Variants in XPNPEP1 observed in about 807,000 individuals in gnomAD.
XPNPEP1 encodes X-prolyl aminopeptidase 1.
Under a neutral mutation model 92.4 loss-of-function variants are expected in XPNPEP1, and 39 were observed. The ratio of observed to expected loss-of-function variants is 0.42; its 90% CI spans 0.33 to 0.55. The LOEUF (loss-of-function observed/expected upper bound fraction) is 0.55, where lower values mean the gene tolerates loss of function less well. Among genes scored for constraint, XPNPEP1 ranks in the 20% least tolerant of loss-of-function variants. The pLI, the probability that XPNPEP1 is intolerant of heterozygous loss-of-function variation, is 0.08. For synonymous variants in XPNPEP1, 307 were observed against 299.4 expected, an observed-to-expected ratio of 1.03 and a Z score of -0.26; for missense variants, 654 against 856.1, an observed-to-expected ratio of 0.76 and a Z score of 2.95.
chr10:109,891,160 C>T (rs1162522467), intron 5 of XPNPEP1: 2 of 152,250 alleles, frequency 1.3e-5, no homozygotes, highest in South Asian at 2.1e-4. Context: ...CATAGTAATG[C>T]TTTAATTCTC....
intron 1 of XPNPEP1, among the ~76,000 whole-genome samples, chr10:109,920,167 T>A (rs972308000): frequency 1.2e-4 from 19 of 152,144 alleles, no homozygotes; most frequent in Non-Finnish European, 2.2e-4. Context: ...ATGTCCAGAA[T>A]AGGCAAATCG....
Position 109,891,843 on chromosome 10 carries a change from A to T in XPNPEP1, c.311-17T>A. On this transcript the variant is annotated splice_polypyrimidine_tract_variant and intron_variant, in intron 4 of 20. Coordinates refer to ENST00000502935, the MANE Select transcript of XPNPEP1 (RefSeq NM_020383.4). ...TGGCTGTGCCTGAAGCAGGGGAGAAAAAAAAAAGAAGAAGAAAGGTTTCTA... is the reference window on the plus strand; with the variant it reads ...TGGCTGTGCCTGAAGCAGGGGAGAATAAAAAAAGAAGAAGAAAGGTTTCTA... The T allele has an allele frequency of 6.2e-7, 1 of 1,610,610 alleles. No individual in the cohort carries two copies. Among genetic ancestry groups the T allele is most frequent in the South Asian group, 1.1e-5 (1 of 90,676 alleles).
rs1847194009 is a variant in XPNPEP1, at chr10:109,867,304, A to G, written c.1872+1310T>C. 6.6e-6 allele frequency among the ~76,000 whole-genome samples: 1 copy of G among 152,234 alleles called. No homozygotes were observed. Among genetic ancestry groups the G allele is most frequent in the South Asian group, 2.1e-4 (1 of 4,830 alleles). ...TGGACAAGAGCCCCTGGACACTGGA[A>G]GGACTCTTCCTGCTGAAGAGACACA... On this transcript the variant is annotated intron_variant, in intron 20 of 20. Coordinates refer to ENST00000502935, the MANE Select transcript of XPNPEP1 (RefSeq NM_020383.4). This position sits in a 1 kb window ranked among gnomAD's most constrained non-coding sequence, Gnocchi z 4.5.
Position 109,886,276 on chromosome 10 carries a change from A to G in XPNPEP1, c.718T>C (p.Phe240Leu). ...LKMAERNVMW[F>L]VVTALDEIAW... Reference sequence around the variant, plus strand: ...ATCTCATCCAAGGCAGTGACCACAAACCACATGACGTTCCTCTCAGCCATT... The same window carrying G: ...ATCTCATCCAAGGCAGTGACCACAAGCCACATGACGTTCCTCTCAGCCATT... The change falls in exon 8 of 21, where the codon TTT becomes CTT. Residue 240 changes from phenylalanine (F) to leucine (L), a missense_variant. Transcript: ENST00000502935. The G allele has an allele frequency of 6.2e-7, 1 of 1,614,140 alleles. No homozygotes were observed. The highest frequency in any genetic ancestry group is 1.1e-5 in the South Asian group (1 of 91,066).
chr10:109,895,386 C>T (rs1002312938), intron 3 of XPNPEP1, among the ~76,000 whole-genome samples: 1 of 152,216 alleles, frequency 6.6e-6, no homozygotes, highest in African/African-American at 2.4e-5. Context: ...CAGGGTTTAC[C>T]TAGACTTCTC....
rs757582811 is a variant in XPNPEP1 at position 109,907,745 on chromosome 10, C to T, written c.192G>A (p.Glu64=). The T allele has an allele frequency of 6.2e-7, 1 of 1,614,130 alleles. No individual in the cohort carries two copies. Among genetic ancestry groups the T allele is most frequent in the African/African-American group, 1.3e-5 (1 of 74,940 alleles). The change falls in exon 3 of 21, where the codon GAG becomes GAA. Residue 64 remains glutamate (E), a synonymous_variant. Coordinates refer to ENST00000502935, the MANE Select transcript of XPNPEP1 (RefSeq NM_020383.4). ...AGGCCTGGATCGGTTCGGTCACATACTCAGAGTTCCTCATGGCTTGTCTCA... is the reference window on the plus strand; with the variant it reads ...AGGCCTGGATCGGTTCGGTCACATATTCAGAGTTCCTCATGGCTTGTCTCA... ...RQLRQAMRNS[E]YVTEPIQAYI...
chr10:109,888,828 G>A (rs991003202), intron 5 of XPNPEP1, among the ~76,000 whole-genome samples: 1 of 152,102 alleles, frequency 6.6e-6, no homozygotes, highest in Non-Finnish European at 1.5e-5. Context: ...TGAGACAGAA[G>A]GGAAAAAAGT....
rs1032451250 is a variant in XPNPEP1 at position 109,874,898 on chromosome 10, G to A, written c.1391+630C>T. Among the ~76,000 whole-genome samples, 5 of 152,228 alleles carry A rather than the reference G, an allele frequency of 3.3e-5. No homozygotes were observed. The South Asian group carries it at 8.3e-4, about 25-fold the overall frequency. ...CAGGAGGCAGAGCTTGCAGTGAGCC[G>A]AGATCACGCCACTGCACTCCTGCCT... On this transcript the variant is annotated intron_variant, in intron 15 of 20. Transcript: ENST00000502935.
intron 2 of XPNPEP1, among the ~76,000 whole-genome samples, chr10:109,912,754 C>T (rs559650734): frequency 3.3e-5 from 5 of 152,320 alleles, no homozygotes; most frequent in Middle Eastern, 3.4e-3. Flanking sequence ...ACCATAAATG[C>T]AATGTGATAA....
intron 1 of XPNPEP1, among the ~76,000 whole-genome samples, chr10:109,916,092 G>A (rs1324636385): frequency 6.6e-6 from 1 of 152,152 alleles, no homozygotes; most frequent in Non-Finnish European, 1.5e-5. Context: ...AATACGTCAA[G>A]TAATAAGAAC....
intron 5 of XPNPEP1, 53 bp downstream of exon 5, chr10:109,891,669 A>T (rs1848709609): frequency 7.0e-7 from 1 of 1,426,322 alleles, no homozygotes; most frequent in Admixed American, 2.4e-5. Flanking sequence ...GACCTCTAGG[A>T]TCCCTGCCCA....
At chr10:109,918,833 GAGGA>G (rs1210266532) in intron 1 of XPNPEP1, among the ~76,000 whole-genome samples, 35 of 112,886 alleles carry the variant, frequency 3.1e-4, no homozygotes, top group Non-Finnish European at 4.1e-4. Flanking sequence ...GAAAGGAAAG[GAGGA>G]AGGAAGGAAG....
chr10:109,873,552 C>A, intron 15 of XPNPEP1, 125 bp from the exon 16 acceptor site: 1 of 1,118,502 alleles, frequency 8.9e-7, no homozygotes, highest in Non-Finnish European at 1.3e-6. Flanking sequence ...AATAGCACAG[C>A]CATCTTTGCA....
At chr10:109,875,268 C>T (rs532962511) in intron 15 of XPNPEP1, among the ~76,000 whole-genome samples, 1 of 152,340 alleles carries the variant, frequency 6.6e-6, no homozygotes, top group East Asian at 1.9e-4. Flanking sequence ...TGCTTTACTT[C>T]ACAGTTGTTT....
chr10:109,866,298 A>G (rs766950834), intron 20 of XPNPEP1, among the ~76,000 whole-genome samples: 6 of 152,214 alleles, frequency 3.9e-5, no homozygotes, highest in Non-Finnish European at 8.8e-5. Context: ...CTGAGGGCAG[A>G]CAGATAGGGT....
At chr10:109,917,199 C>CT (rs945536042) in intron 1 of XPNPEP1, among the ~76,000 whole-genome samples, 2 of 152,042 alleles carry the variant, frequency 1.3e-5, no homozygotes, top group African/African-American at 4.8e-5. Flanking sequence ...AAAACTATCT[C>CT]TATTTGCAAT....
Position 109,884,162 on chromosome 10 carries a change from C to A in XPNPEP1, c.749-14G>T. The stretch of plus-strand genomic sequence containing the variant: ...GATTAAATAGCCCTAGAAAAGAAAT[C>A]AAAATCCCTGTCACCTGTCTGACTT... On this transcript the variant is annotated splice_polypyrimidine_tract_variant and intron_variant, in intron 8 of 20. Transcript: ENST00000502935. 1 of 1,612,364 alleles carries A rather than the reference C, an allele frequency of 6.2e-7. No individual in the cohort carries two copies. The highest frequency in any genetic ancestry group is 1.1e-5 in the South Asian group (1 of 90,756).
intron 9 of XPNPEP1, 48 bp downstream of exon 9, chr10:109,884,019 C>T (rs1848251332): frequency 1.3e-6 from 2 of 1,581,590 alleles, no homozygotes; most frequent in Non-Finnish European, 1.7e-6. Flanking sequence ...CACACTAGGG[C>T]TCTGAGGAGC....
At chr10:109,890,593 TGA>T (rs34618002) in intron 5 of XPNPEP1, among the ~76,000 whole-genome samples, 8,250 of 103,406 alleles carry the variant, frequency 0.08, 267 homozygotes, top group African/African-American at 0.13. Context: ...TGTGTGTGTG[TGA>T]GAGAGAGAGA....
Sources: gnomAD v4.1 joint callset for allele counts (sites outside exome capture counted in the v4.1 genomes callset) on GRCh38, gnomAD v4.1.1 for gene constraint, Gnocchi (gnomAD v3.1) non-coding constraint, MANE v1.5 for transcripts, NCBI Gene and HGNC (gene_info 2026-07-23, HGNC 2026-07-21) for gene names.